Variants in GRID2 observed in about 807,000 individuals in gnomAD.
GRID2 encodes glutamate receptor ionotropic, delta-2.
A neutral mutation model predicts 114.8 loss-of-function variants in GRID2; 33 were observed. The ratio of observed to expected loss-of-function variants is 0.29; its 90% CI spans 0.22 to 0.38. The LOEUF is 0.38. Among genes scored for constraint, GRID2 ranks in the 10% least tolerant of loss-of-function variants. The pLI, the probability that GRID2 is intolerant of heterozygous loss-of-function variation, is 1.00. For missense variants in GRID2, 1,184 were observed against 1,257.7 expected (o/e 0.94, Z 0.89); for synonymous variants, 505 against 449.9 (o/e 1.12, Z -1.55).
intron 2 of GRID2, among the ~76,000 whole-genome samples, chr4:92,868,777 C>A (rs6838014): frequency 6.6e-6 from 1 of 151,822 alleles, no homozygotes; most frequent in Non-Finnish European, 1.5e-5. Flanking sequence ...CTATTAATTT[C>A]ATGAACTAAC....
intron 13 of GRID2, among the ~76,000 whole-genome samples, chr4:93,594,978 G>C (rs548472442): frequency 3.7e-4 from 56 of 152,092 alleles, no homozygotes; most frequent in African/African-American, 1.3e-3. Flanking sequence ...AGATGAACCC[G>C]GTACCTCAGA....
intron 8 of GRID2, among the ~76,000 whole-genome samples, chr4:93,361,300 C>T (rs1176487159): frequency 6.6e-6 from 1 of 151,986 alleles, no homozygotes; most frequent in Non-Finnish European, 1.5e-5. Context: ...CTCTCTGTCT[C>T]CAAACTGAGG....
intron 1 of GRID2, among the ~76,000 whole-genome samples, chr4:92,563,496 C>G (rs2149184340): frequency 6.6e-6 from 1 of 152,160 alleles, no homozygotes; most frequent in Non-Finnish European, 1.5e-5. Flanking sequence ...CTACTATTTT[C>G]CGTTGCAAAA....
intron 2 of GRID2, among the ~76,000 whole-genome samples, chr4:92,975,647 T>C (rs537602159): frequency 2.6e-5 from 4 of 152,276 alleles, no homozygotes; most frequent in African/African-American, 9.6e-5. Context: ...ATTAAGTGCT[T>C]TTTACAATCA....
intron 2 of GRID2, among the ~76,000 whole-genome samples, chr4:93,019,162 C>T (rs915678924): frequency 2.6e-5 from 4 of 152,060 alleles, no homozygotes; most frequent in Non-Finnish European, 5.9e-5. Context: ...CTAAAAGTCT[C>T]CATGATATTT....
At chr4:93,699,641 A>G (rs1727336964) in intron 14 of GRID2, among the ~76,000 whole-genome samples, 1 of 152,164 alleles carries the variant, frequency 6.6e-6, no homozygotes, top group East Asian at 1.9e-4. Flanking sequence ...AGCCCTTTAT[A>G]GTTCTGTCTT....
At chr4:92,610,523 T>C (rs1729667213) in intron 2 of GRID2, among the ~76,000 whole-genome samples, 1 of 151,656 alleles carries the variant, frequency 6.6e-6, no homozygotes, top group Admixed American at 6.6e-5. Flanking sequence ...TTCTGTTTTT[T>C]ACCATTTTCT....
intron 7 of GRID2, among the ~76,000 whole-genome samples, chr4:93,226,843 C>T (rs1338955497): frequency 6.6e-6 from 1 of 152,138 alleles, no homozygotes; most frequent in Non-Finnish European, 1.5e-5. Context: ...GAATCCATAG[C>T]CAGAGTTCTT....
intron 1 of GRID2, among the ~76,000 whole-genome samples, chr4:92,474,882 C>T (rs1368248684): frequency 7.0e-6 from 1 of 143,570 alleles, no homozygotes; most frequent in East Asian, 2.1e-4. Flanking sequence ...TGGATATTAA[C>T]CTCTTATCAA....
intron 2 of GRID2, among the ~76,000 whole-genome samples, chr4:92,810,543 C>A (rs941958848): frequency 6.6e-6 from 1 of 151,900 alleles, no homozygotes; most frequent in African/African-American, 2.4e-5. Context: ...TTCACATTGG[C>A]ACTGTTACTG....
chr4:93,159,051 T>G (rs1268587285), intron 4 of GRID2, among the ~76,000 whole-genome samples: 1 of 151,632 alleles, frequency 6.6e-6, no homozygotes, highest in Non-Finnish European at 1.5e-5. Flanking sequence ...AATGGTATCA[T>G]CAGTTTGTGC....
At chr4:92,435,479 C>T (rs1732691946) in intron 1 of GRID2, among the ~76,000 whole-genome samples, 1 of 152,092 alleles carries the variant, frequency 6.6e-6, no homozygotes, top group South Asian at 2.1e-4. Context: ...GATAATAGTT[C>T]CCTTCTTCAT....
chr4:93,636,780 G>T (rs1159287754), intron 14 of GRID2, among the ~76,000 whole-genome samples: 1 of 152,028 alleles, frequency 6.6e-6, no homozygotes, highest in Non-Finnish European at 1.5e-5. Context: ...TGAGCCTTTG[G>T]CATGCATTTA....
chr4:92,584,611 C>T (rs929240237), intron 1 of GRID2, among the ~76,000 whole-genome samples: 3 of 151,930 alleles, frequency 2.0e-5, no homozygotes, highest in African/African-American at 7.2e-5. Context: ...CATTTTACTA[C>T]ATTTCATCAA....
chr4:93,566,090 C>T (rs1432440203), intron 13 of GRID2, among the ~76,000 whole-genome samples: 1 of 152,098 alleles, frequency 6.6e-6, no homozygotes, highest in African/African-American at 2.4e-5. Flanking sequence ...ATGTCCTCTA[C>T]CATATTTCTA....
At chr4:92,363,471 G>GA (rs941997570) in intron 1 of GRID2, among the ~76,000 whole-genome samples, 2 of 151,836 alleles carry the variant, frequency 1.3e-5, no homozygotes, top group Admixed American at 6.6e-5. Flanking sequence ...TTTGATAAGA[G>GA]AAAAAAACCA....
intron 1 of GRID2, among the ~76,000 whole-genome samples, chr4:92,432,641 G>A (rs1732517804): frequency 6.6e-6 from 1 of 152,090 alleles, no homozygotes; most frequent in South Asian, 2.1e-4. Context: ...CTTCACTGAA[G>A]TGGGCTCCCC....
intron 1 of GRID2, among the ~76,000 whole-genome samples, chr4:92,384,460 ATATATATATATATATATATT>A (rs1405981668): frequency 1.4e-4 from 7 of 50,120 alleles, no homozygotes; most frequent in Admixed American, 1.3e-3. Context: ...ATATATATAT[ATATATATATATATATATATT>A]ATTTATATAT....
intron 1 of GRID2, among the ~76,000 whole-genome samples, chr4:92,566,444 C>T (rs1727339706): frequency 6.6e-6 from 1 of 151,908 alleles, no homozygotes; most frequent in African/African-American, 2.4e-5. Context: ...CAGTTTCGGA[C>T]AATAGGATGC....
Sources: allele counts gnomAD v4.1 joint callset (sites outside exome capture counted in the v4.1 genomes callset), GRCh38; gene constraint gnomAD v4.1.1; transcripts MANE v1.5; gene names NCBI Gene and HGNC (gene_info 2026-07-23, HGNC 2026-07-21).